Variants in NID2 observed in about 807,000 individuals in gnomAD.
NID2 encodes nidogen-2.
Under a neutral mutation model 145.4 loss-of-function variants are expected in NID2, and 83 were observed. That is an observed-to-expected ratio of 0.57 (90% CI 0.48 to 0.69). NID2 has a LOEUF of 0.69. Ranked by LOEUF, NID2 falls within the 30% of genes least tolerant of loss-of-function variation. The pLI, the probability that NID2 is intolerant of heterozygous loss-of-function variation, is 0.00. For missense variants in NID2, 1,807 were observed against 1,765.7 expected, an observed-to-expected ratio of 1.02 and a Z score of -0.42; for synonymous variants, 739 against 701.3, an observed-to-expected ratio of 1.05 and a Z score of -0.85.
At chr14:52,038,632 T>A (rs762312233) in intron 9 of NID2, 115 bp downstream of exon 9, 34 of 770,274 alleles carry the variant, frequency 4.4e-5, no homozygotes, top group Non-Finnish European at 6.7e-5. Flanking sequence ...TTCATCCTTA[T>A]ACCTAGCACA....
At chr14:52,016,450 A>G (rs1891215999) in intron 14 of NID2, among the ~76,000 whole-genome samples, 1 of 152,178 alleles carries the variant, frequency 6.6e-6, no homozygotes. Flanking sequence ...TCTTTCCCAT[A>G]TGAGTAAATG....
At chr14:52,005,684 A>G in intron 21 of NID2, 53 bp downstream of exon 21, 1 of 1,455,610 alleles carries the variant, frequency 6.9e-7, no homozygotes, top group African/African-American at 1.4e-5. Flanking sequence ...TACCATATAT[A>G]TCCCTTCTCT....
chr14:52,007,915 A>G lies in NID2; in HGVS notation c.3775T>C (p.Ser1259Pro). 6.2e-7 allele frequency: 1 copy of G among 1,613,700 alleles called. No homozygotes were observed. The highest frequency in any genetic ancestry group is 8.5e-7 in the Non-Finnish European group (1 of 1,179,782). Reference sequence around the variant, plus strand: ...ATTCTTCTGTTTTCTCCATCTAAAGATGACGTTTCAATTTTAGGAGCTTCT... The same window carrying G: ...ATTCTTCTGTTTTCTCCATCTAAAGGTGACGTTTCAATTTTAGGAGCTTCT... ...NREAPKIETS[S>P]LDGENRRILI... The change falls in exon 19 of 22, where the codon TCT becomes CCT. Residue 1259 changes from serine to proline, a missense_variant. Ser to Pro is a moderately conservative substitution (Grantham distance 74). Transcript: ENST00000216286.
intron 5 of NID2, among the ~76,000 whole-genome samples, chr14:52,045,337 AG>A (rs1486412138): frequency 6.6e-6 from 1 of 152,164 alleles, no homozygotes; most frequent in Non-Finnish European, 1.5e-5. Flanking sequence ...CAGCAAGCTG[AG>A]GGTTGGCAGG....
In NID2 at chr14:52,011,045, G is replaced by C. The variant is rs1566741444; in HGVS notation, c.3553C>G (p.Leu1185Val). ...ATGGCAAGTCCTTCAGGGCTTATCA[G>C]ACCTGGAAATAAAGCAAAGTCAGGA... ...AEPETIVNSG[L>V]ISPEGLAIDH... is the part of the protein sequence containing the mutation. Residue 1185 changes from leucine to valine, a missense_variant and splice_region_variant, in exon 18 of 22, where the codon CTG becomes GTG. By Grantham distance (32) the Leu-to-Val change is conservative. Transcript: ENST00000216286. 6.2e-7 allele frequency: 1 copy of C among 1,612,582 alleles called. No homozygotes were observed. The highest frequency in any genetic ancestry group is 8.5e-7 in the Non-Finnish European group (1 of 1,178,726).
In NID2 at chr14:52,014,380, G is replaced by A; in HGVS notation, c.3327C>T (p.Phe1109=). ...TCTGCTGGCCCTGAGTATAGAGCAGGAAGGTGCCCACAGATGGAGGGGTCA... is the reference window on the plus strand; with the variant it reads ...TCTGCTGGCCCTGAGTATAGAGCAGAAAGGTGCCCACAGATGGAGGGGTCA... ...PDVTPPSVGT[F]LLYTQGQQIG... is the part of the protein sequence containing the mutation. Residue 1109 remains phenylalanine, a synonymous_variant, in exon 16 of 22, where the codon TTC becomes TTT. Coordinates refer to ENST00000216286, the MANE Select transcript of NID2 (RefSeq NM_007361.4). 1 of 1,614,230 alleles carries A rather than the reference G, an allele frequency of 6.2e-7. No individual in the cohort carries two copies. Among genetic ancestry groups the A allele is most frequent in the Non-Finnish European group, 8.5e-7 (1 of 1,180,034 alleles).
intron 9 of NID2, among the ~76,000 whole-genome samples, chr14:52,038,224 G>C (rs755326956): frequency 1.4e-4 from 22 of 152,162 alleles, no homozygotes; most frequent in Non-Finnish European, 2.9e-4. Flanking sequence ...ATAATGTTCT[G>C]GGAATCATGG....
chr14:52,043,288 T>A (rs950873943), intron 5 of NID2, among the ~76,000 whole-genome samples: 3 of 152,230 alleles, frequency 2.0e-5, no homozygotes, highest in African/African-American at 7.2e-5. Flanking sequence ...AGCACTTTTA[T>A]ATGGTTCAAC....
In NID2 at chr14:52,054,135, A is replaced by G. The variant is rs904059; in HGVS notation, c.954T>C (p.Tyr318=). The change falls in exon 4 of 22, where the codon TAT becomes TAC. Residue 318 remains tyrosine (Y), a synonymous_variant. Coordinates refer to ENST00000216286, the MANE Select transcript of NID2 (RefSeq NM_007361.4). ...SDYNEDNLDY[Y]DVNEEEAEYL... is the part of the protein sequence containing the mutation. ...ATTCAGCTTCCTCCTCATTCACATC[A>G]TAGTAATCCAAATTGTCCTCATTAT... The G allele has an allele frequency of 1, 1,607,747 of 1,614,126 alleles. 800,913 individuals are homozygous for G. Among genetic ancestry groups the G allele is most frequent in the East Asian group, 1 (44,864 of 44,864 alleles).
intron 12 of NID2, among the ~76,000 whole-genome samples, chr14:52,023,762 G>A (rs1891482601): frequency 6.6e-6 from 1 of 152,218 alleles, no homozygotes; most frequent in Non-Finnish European, 1.5e-5. Flanking sequence ...AGCTGCAGAG[G>A]ATTTAACTCT....
chr14:52,013,833 C>T (rs988283638), intron 16 of NID2, among the ~76,000 whole-genome samples: 4 of 152,192 alleles, frequency 2.6e-5, no homozygotes, highest in Non-Finnish European at 4.4e-5. Context: ...AGGGCTGCAA[C>T]GGTGAGACAG....
intron 9 of NID2, 148 bp from the exon 10 acceptor site, chr14:52,029,838 G>A: frequency 1.5e-6 from 1 of 650,820 alleles, no homozygotes; most frequent in South Asian, 2.4e-5. Flanking sequence ...TGAAGCTAGG[G>A]TGGATTTTCT....
At chr14:52,050,910 C>A (rs1477076231) in intron 5 of NID2, among the ~76,000 whole-genome samples, 1 of 152,220 alleles carries the variant, frequency 6.6e-6, no homozygotes, top group African/African-American at 2.4e-5. Flanking sequence ...CAGCAGGCTG[C>A]ACTTAGCAAA....
chr14:52,028,496 G>A (rs775043192), intron 11 of NID2: 26 of 373,144 alleles, frequency 7.0e-5, no homozygotes, highest in Non-Finnish European at 1.1e-4. Flanking sequence ...GGCTGGTCTC[G>A]AACTTCTGAA....
At position 52,019,957 on chromosome 14, in the gene NID2, C is replaced by G. The variant is rs554238976; in HGVS notation, c.2794+102G>C. The G allele has an allele frequency of 8.8e-6, 13 of 1,473,830 alleles. No homozygotes were observed. The South Asian group carries it at 1.7e-4, about 20-fold the overall frequency. The allele number at this position is 1,473,830 out of a possible 1,614,324, so 91.3% of individuals were successfully genotyped here. ...AAAATCCACAGCTTGGAAAATCCAC[C>G]AAGGCTCCAGACCAGGCTAAATCAA... On this transcript the variant is annotated intron_variant, in intron 13 of 21. Coordinates refer to ENST00000216286, the MANE Select transcript of NID2 (RefSeq NM_007361.4).
At chr14:52,030,585 A>AACGAACGGAAGGAAGG (rs1566755739) in intron 9 of NID2, among the ~76,000 whole-genome samples, 14 of 40,500 alleles carry the variant, frequency 3.5e-4, no homozygotes, top group Admixed American at 2.7e-3. Context: ...AGGGAAAGAA[A>AACGAACGGAAGGAAGG]GAAAGAAAGA....
At chr14:52,034,111 C>G (rs2029982) in intron 9 of NID2, among the ~76,000 whole-genome samples, 127,275 of 152,104 alleles carry the variant, frequency 0.84, 54,339 homozygotes, top group East Asian at 0.97. Context: ...AGTAAACCAT[C>G]CTTTGATATT....
intron 9 of NID2, among the ~76,000 whole-genome samples, chr14:52,031,632 G>GT (rs1891874737): frequency 6.6e-6 from 1 of 152,138 alleles, no homozygotes; most frequent in Admixed American, 6.5e-5. Context: ...CTGCTCACCA[G>GT]TTCTCACTAC....
At chr14:52,011,072 T>TG (rs770037617) in intron 17 of NID2, 25 bp from the exon 18 acceptor site, 2 of 1,607,788 alleles carry the variant, frequency 1.2e-6, no homozygotes, top group African/African-American at 1.3e-5. Context: ...AAGTCAGGAC[T>TG]GGAGTGTTTG....
Sources: gnomAD v4.1 joint callset for allele counts (sites outside exome capture counted in the v4.1 genomes callset) on GRCh38, gnomAD v4.1.1 for gene constraint, MANE v1.5 for transcripts, NCBI Gene and HGNC (gene_info 2026-07-23, HGNC 2026-07-21) for gene names.